RNF17: variants seen among roughly 807,000 people sequenced by gnomAD.
RNF17 encodes ring finger protein 17.
Under a neutral mutation model 200.5 loss-of-function variants are expected in RNF17, and 31 were observed. The ratio of observed to expected loss-of-function variants is 0.15; its 90% CI spans 0.12 to 0.21. RNF17 has a LOEUF of 0.21. Ranked by LOEUF, RNF17 falls within the 10% of genes least tolerant of loss-of-function variation. RNF17 has a pLI of 1.00. For missense variants in RNF17, 1,628 were observed against 1,905.1 expected, an observed-to-expected ratio of 0.85 and a Z score of 2.71; for synonymous variants, 606 against 637.8, an observed-to-expected ratio of 0.95 and a Z score of 0.75.
downstream of RNF17, chr13:24,884,553 T>C (rs1953956327): frequency 3.0e-6 from 4 of 1,314,208 alleles, no homozygotes; most frequent in South Asian, 3.6e-5. Context: ...TTGAAATTTT[T>C]TGTAATAAAA....
chr13:24,764,439 G>C, intron 1 of RNF17, 106 bp downstream of exon 1: 2 of 1,410,694 alleles, frequency 1.4e-6, no homozygotes, highest in Non-Finnish European at 1.9e-6. Flanking sequence ...ATCCAATCCT[G>C]GTGTCACCAG....
At chr13:24,796,680 C>G (rs74042509) in intron 11 of RNF17, among the ~76,000 whole-genome samples, 3,681 of 152,214 alleles carry the variant, frequency 0.024, 129 homozygotes, top group African/African-American at 0.083. Flanking sequence ...GCATTGAGCA[C>G]CTGAGATTCA....
At chr13:24,824,457 C>T (rs567500092) in intron 15 of RNF17, 4 of 333,258 alleles carry the variant, frequency 1.2e-5, no homozygotes, top group South Asian at 2.8e-4. Context: ...TCATTATACT[C>T]ACAAGAAAAA....
chr13:24,811,897 G>T (rs1392450023), intron 15 of RNF17, among the ~76,000 whole-genome samples: 1 of 152,046 alleles, frequency 6.6e-6, no homozygotes, highest in Non-Finnish European at 1.5e-5. Flanking sequence ...TGGAGTACCC[G>T]GCCGTGTGAG....
intron 32 of RNF17, among the ~76,000 whole-genome samples, chr13:24,872,809 A>G (rs1894434109): frequency 7.3e-6 from 1 of 137,060 alleles, no homozygotes. Context: ...AAAAACTGTC[A>G]GAATGTGTTC....
intron 2 of RNF17, 137 bp from the exon 3 acceptor site, chr13:24,774,676 C>T: frequency 6.1e-6 from 3 of 493,354 alleles, no homozygotes; most frequent in South Asian, 4.8e-5. Context: ...CGGTTTTCTC[C>T]TTGATTTACA....
intron 10 of RNF17, among the ~76,000 whole-genome samples, chr13:24,795,544 TCTGA>T (rs1307305645): frequency 2.6e-5 from 4 of 152,096 alleles, no homozygotes; most frequent in African/African-American, 9.7e-5. Flanking sequence ...AAGAAAATTT[TCTGA>T]CTGTCTTTAC....
At chr13:24,781,268 TGAAAA>T (rs1386151192) in intron 5 of RNF17, among the ~76,000 whole-genome samples, 4 of 151,856 alleles carry the variant, frequency 2.6e-5, no homozygotes, top group Admixed American at 2.6e-4. Flanking sequence ...CCTGTAATGA[TGAAAA>T]GAAAAAAATT....
chr13:24,848,249 A>G (rs1891467566), intron 22 of RNF17, among the ~76,000 whole-genome samples: 1 of 151,420 alleles, frequency 6.6e-6, no homozygotes, highest in Admixed American at 6.6e-5. Flanking sequence ...GACTCTAACC[A>G]CTCTGTTTTA....
chr13:24,877,420 TATC>T (rs1304819250), intron 34 of RNF17, among the ~76,000 whole-genome samples: 2 of 152,168 alleles, frequency 1.3e-5, no homozygotes, highest in African/African-American at 4.8e-5. Flanking sequence ...TGATATAAAA[TATC>T]ATTTATGTAA....
intron 16 of RNF17, among the ~76,000 whole-genome samples, chr13:24,827,772 C>CCAAGAT (rs994600294): frequency 8.8e-5 from 13 of 148,394 alleles, no homozygotes; most frequent in Non-Finnish European, 1.6e-4. Flanking sequence ...CTAAAAAAGT[C>CCAAGAT]CAAGATCAAG....
intron 15 of RNF17, chr13:24,824,336 C>T (rs1011972068): frequency 3.3e-5 from 19 of 572,736 alleles, no homozygotes; most frequent in Non-Finnish European, 5.9e-5. Flanking sequence ...TCTGGCTTAC[C>T]TGTTAATGGA....
intron 16 of RNF17, among the ~76,000 whole-genome samples, chr13:24,826,523 C>A (rs76899522): frequency 0.044 from 6,673 of 152,202 alleles, 459 homozygotes; most frequent in African/African-American, 0.15. Context: ...CTGTAAATCC[C>A]AGTACTTTGG....
In RNF17 at chr13:24,862,139, G is replaced by A. The variant is rs138097462; in HGVS notation, c.3895-574G>A. Among the ~76,000 whole-genome samples the A allele has an allele frequency of 3.7e-3, 564 of 152,284 alleles. 1 individual carries two copies. Among genetic ancestry groups the A allele is most frequent in the African/African-American group, 0.013 (547 of 41,554 alleles). ...CCAGGTTCCTCTCTCGACACATGGG[G>A]ATTACAATTCAAGATAAGATTTGGG... On this transcript the variant is annotated intron_variant, in intron 27 of 35. Transcript: ENST00000255324.
In RNF17 at chr13:24,764,332, C is replaced by T. The variant is rs780185432; in HGVS notation, c.129C>T (p.Ser43=). 6.9e-6 allele frequency: 11 copies of T among 1,595,128 alleles called. No homozygotes were observed. Among genetic ancestry groups the T allele is most frequent in the Non-Finnish European group, 6.8e-6 (8 of 1,169,254 alleles). Residue 43 remains serine, a splice_region_variant and synonymous_variant, in exon 1 of 36, where the codon TCC becomes TCT. Transcript: ENST00000255324. ...TRCGRRVSRS[S]GHHCELQCGH... ...GTGGAAGGAGGGTATCCAGATCATC[C>T]GGTGAGGAGCCCAAGGGCCCACCTA...
At chr13:24,811,289 T>C (rs1379814134) in intron 15 of RNF17, among the ~76,000 whole-genome samples, 2 of 151,966 alleles carry the variant, frequency 1.3e-5, no homozygotes, top group South Asian at 2.1e-4. Context: ...CAATCAGACA[T>C]AGATTTGGTC....
chr13:24,884,778 G>A (rs1953964305), downstream of RNF17, among the ~76,000 whole-genome samples: 1 of 152,114 alleles, frequency 6.6e-6, no homozygotes, highest in East Asian at 1.9e-4. Context: ...CATTCCTCAA[G>A]GATAGCACTC....
intron 11 of RNF17, 66 bp downstream of exon 11, chr13:24,796,361 C>A: frequency 9.7e-7 from 1 of 1,034,108 alleles, no homozygotes; most frequent in Non-Finnish European, 1.3e-6. Context: ...CTTGGCCAAC[C>A]CACATAAGAC....
At chr13:24,772,426 ATTT>A (rs34066913) in intron 2 of RNF17, among the ~76,000 whole-genome samples, 4 of 106,008 alleles carry the variant, frequency 3.8e-5, no homozygotes, top group African/African-American at 7.3e-5. Context: ...TTGAGTCTCC[ATTT>A]TTTTTTTTTT....
Sources: gnomAD v4.1 joint callset for allele counts (sites outside exome capture counted in the v4.1 genomes callset) on GRCh38, gnomAD v4.1.1 for gene constraint, MANE v1.5 for transcripts, NCBI Gene and HGNC (gene_info 2026-07-23, HGNC 2026-07-21) for gene names.